UNC13C: variants seen among roughly 807,000 people sequenced by gnomAD.
The protein encoded by UNC13C is unc-13 homolog C.
UNC13C carries 174 observed loss-of-function variants against 245.4 expected under a neutral mutation model. The ratio of observed to expected loss-of-function variants is 0.71; its 90% CI spans 0.63 to 0.80. UNC13C has a LOEUF of 0.80. Ranked by LOEUF, UNC13C falls within the 30% of genes least tolerant of loss-of-function variation. The probability of loss-of-function intolerance (pLI) is 0.00; values close to 1 mark genes in which losing one functional copy is unlikely to be tolerated. For synonymous variants in UNC13C, 992 were observed against 895.1 expected, an observed-to-expected ratio of 1.11 and a Z score of -1.93; for missense variants, 2,829 against 2,602.9, an observed-to-expected ratio of 1.09 and a Z score of -1.89.
chr15:54,450,481 T>G (rs1012729086), intron 19 of UNC13C, among the ~76,000 whole-genome samples: 1 of 152,210 alleles, frequency 6.6e-6, no homozygotes, highest in Non-Finnish European at 1.5e-5. Flanking sequence ...CGGGCGCCCC[T>G]TCTCCAGCCT....
intron 10 of UNC13C, among the ~76,000 whole-genome samples, chr15:54,289,463 G>A (rs1477899706): frequency 6.6e-6 from 1 of 152,046 alleles, no homozygotes; most frequent in Non-Finnish European, 1.5e-5. Flanking sequence ...TTCACTCTCT[G>A]TGCCAGCATC....
upstream of UNC13C, among the ~76,000 whole-genome samples, chr15:53,976,444 T>A (rs1005139510): frequency 6.6e-6 from 1 of 150,548 alleles, no homozygotes; most frequent in Non-Finnish European, 1.5e-5. Context: ...TACATGGTGT[T>A]TTTTTTTCTT....
chr15:54,554,333 G>T (rs1897005391), intron 28 of UNC13C, among the ~76,000 whole-genome samples: 2 of 151,982 alleles, frequency 1.3e-5, no homozygotes, highest in Non-Finnish European at 2.9e-5. Flanking sequence ...TGATTGCGTG[G>T]TTTGTGCATT....
At position 54,371,705 on chromosome 15, in the gene UNC13C, G is replaced by GATAT. The variant is rs534762481; in HGVS notation, c.4714-21333_4714-21330dup. ...TAAAATAAAATACCCCTTAATAATG[G>GATAT]ATATATATATATACACACACACACA... On this transcript the variant is annotated intron_variant, in intron 17 of 32. Coordinates refer to ENST00000260323, the MANE Select transcript of UNC13C (RefSeq NM_001080534.3). Among the ~76,000 whole-genome samples, 393 of 122,892 alleles carry GATAT rather than the reference G, an allele frequency of 3.2e-3. 6 individuals are homozygous for GATAT. The highest frequency in any genetic ancestry group is 0.028 in the Admixed American group (362 of 12,872). The allele number at this position is 122,892 out of a possible 152,430, so 80.6% of individuals were successfully genotyped here. A position where few individuals can be genotyped will look rare whatever the true frequency, so the allele number is the denominator to read the frequency against.
intron 2 of UNC13C, among the ~76,000 whole-genome samples, chr15:54,129,850 A>G (rs1185401835): frequency 6.7e-6 from 1 of 150,180 alleles, no homozygotes; most frequent in African/African-American, 2.4e-5. Flanking sequence ...GTCTTTATTT[A>G]TACTCATTTT....
rs568515019 is a variant in UNC13C at position 54,143,765 on chromosome 15, C to A, written c.3071+81C>A. 12 of 992,182 alleles carry A rather than the reference C, an allele frequency of 1.2e-5. No homozygotes were observed. The South Asian group carries it at 1.7e-4, about 14-fold the overall frequency. The allele number at this position is 992,182 out of a possible 1,614,324, so 61.5% of individuals were successfully genotyped here. A position where few individuals can be genotyped will look rare whatever the true frequency, so the allele number is the denominator to read the frequency against. ...GTTCTCAACATATATGCTTTGAGTGCAAGATGCTGCATGATTAGCTAGCCT... is the reference window on the plus strand; with the variant it reads ...GTTCTCAACATATATGCTTTGAGTGAAAGATGCTGCATGATTAGCTAGCCT... On this transcript the variant is annotated intron_variant, in intron 4 of 32. Coordinates refer to ENST00000260323, the MANE Select transcript of UNC13C (RefSeq NM_001080534.3).
In UNC13C at chr15:54,265,486, A is replaced by C. The variant is rs200312467; in HGVS notation, c.3808A>C (p.Lys1270Gln). Residue 1270 changes from lysine (K) to glutamine (Q), a missense_variant, in exon 10 of 33, where the codon AAG (lysine) becomes CAG (glutamine). Lys to Gln is a moderately conservative substitution (Grantham distance 53, BLOSUM62 1). Transcript: ENST00000260323. The stretch of plus-strand genomic sequence containing the variant: ...AAATTTGAATCCAGTATGGGATGAG[A>C]AGTTTTATTTGTGAGTATATAATGT... The part of the protein sequence containing the change: ...FGNLNPVWDE[K>Q]FYFECHNSTD... The C allele has an allele frequency of 5.1e-5, 79 of 1,542,770 alleles. No individual in the cohort carries two copies. The highest frequency in any genetic ancestry group is 1.7e-4 in the Middle Eastern group (1 of 5,912).
chr15:53,991,278 A>G (rs1894374975), intron 1 of UNC13C, among the ~76,000 whole-genome samples: 1 of 152,048 alleles, frequency 6.6e-6, no homozygotes, highest in Non-Finnish European at 1.5e-5. Flanking sequence ...AATGGTGTGT[A>G]CTTCCATGAG....
chr15:54,472,282 T>G (rs1325154008), intron 19 of UNC13C, among the ~76,000 whole-genome samples: 1 of 151,830 alleles, frequency 6.6e-6, no homozygotes, highest in Non-Finnish European at 1.5e-5. Context: ...TGTCACAGTT[T>G]ACATCTTTTA....
chr15:54,126,061 G>T, intron 2 of UNC13C, among the ~76,000 whole-genome samples: 1 of 151,928 alleles, frequency 6.6e-6, no homozygotes, highest in South Asian at 2.1e-4. Flanking sequence ...CAAGAAAAAA[G>T]AAAATACAGA....
At chr15:54,543,123 G>T (rs1418556695) in intron 26 of UNC13C, among the ~76,000 whole-genome samples, 1 of 152,110 alleles carries the variant, frequency 6.6e-6, no homozygotes, top group Non-Finnish European at 1.5e-5. Context: ...GCATGTTTTT[G>T]CAGTGGCTGA....
chr15:54,349,070 G>T (rs567678681), intron 17 of UNC13C, among the ~76,000 whole-genome samples: 156 of 148,604 alleles, frequency 1.0e-3, no homozygotes, highest in African/African-American at 3.7e-3. Context: ...TTTATAATTT[G>T]ATATATACAA....
At chr15:53,968,624 G>C in the UNC13C span, among the ~76,000 whole-genome samples, 1 of 152,130 alleles carries the variant, frequency 6.6e-6, no homozygotes, top group Non-Finnish European at 1.5e-5. Context: ...CTAAATCCCA[G>C]GGTCTCACAA....
intron 13 of UNC13C, among the ~76,000 whole-genome samples, chr15:54,316,080 G>A (rs112808328): frequency 0.021 from 3,229 of 151,872 alleles, 52 homozygotes; most frequent in Non-Finnish European, 0.036. Context: ...CACTTCCTAA[G>A]ACATGTTGAA....
chr15:54,332,800 C>T (rs2038474299), intron 15 of UNC13C, among the ~76,000 whole-genome samples: 1 of 151,846 alleles, frequency 6.6e-6, no homozygotes, highest in Non-Finnish European at 1.5e-5. Context: ...ATAATTTATC[C>T]TAAACATCTT....
the UNC13C span, among the ~76,000 whole-genome samples, chr15:53,875,637 T>A: frequency 6.6e-6 from 1 of 152,158 alleles, no homozygotes; most frequent in Non-Finnish European, 1.5e-5. Flanking sequence ...TGTGTAAGAT[T>A]GATTGAGCAG....
intron 29 of UNC13C, among the ~76,000 whole-genome samples, chr15:54,556,638 A>G (rs1897102382): frequency 1.3e-5 from 2 of 152,092 alleles, no homozygotes; most frequent in Non-Finnish European, 2.9e-5. Context: ...AAGAAATACA[A>G]TAAAAAACTT....
chr15:54,356,109 A>G (rs1158910423), intron 17 of UNC13C, among the ~76,000 whole-genome samples: 2 of 152,224 alleles, frequency 1.3e-5, no homozygotes, highest in Non-Finnish European at 2.9e-5. Flanking sequence ...TGGACATTTC[A>G]CAATGTATTT....
intron 19 of UNC13C, among the ~76,000 whole-genome samples, chr15:54,483,622 A>T (rs548286522): frequency 6.6e-6 from 1 of 152,174 alleles, no homozygotes; most frequent in Non-Finnish European, 1.5e-5. Context: ...CAGCCTCCCA[A>T]GTAGCTGGGA....
Sources: allele counts gnomAD v4.1 joint callset (sites outside exome capture counted in the v4.1 genomes callset), GRCh38; gene constraint gnomAD v4.1.1; transcripts MANE v1.5; gene names NCBI Gene and HGNC (gene_info 2026-07-23, HGNC 2026-07-21).